The following NCOR2 variants were observed in gnomAD, a reference collection of about 807,000 sequenced individuals.
NCOR2 encodes nuclear receptor corepressor 2.
NCOR2 carries 81 observed loss-of-function variants against 262.9 expected under a neutral mutation model. That is an observed-to-expected ratio of 0.31 (90% CI 0.26 to 0.37). The LOEUF (loss-of-function observed/expected upper bound fraction) is 0.37. Among genes scored for constraint, NCOR2 ranks in the 10% least tolerant of loss-of-function variants. NCOR2 has a pLI of 1.00. For missense variants in NCOR2, 3,385 were observed against 3,621.4 expected (o/e 0.93, Z 1.68); for synonymous variants, 1,659 against 1,559.3 (o/e 1.06, Z -1.51).
intron 3 of NCOR2, among the ~76,000 whole-genome samples, chr12:124,474,146 C>T (rs1353553079): frequency 6.6e-6 from 1 of 152,224 alleles, no homozygotes; most frequent in Non-Finnish European, 1.5e-5. Context: ...TCTCCCAAGG[C>T]CTGGCCTCTG....
exon 47 of NCOR2, chr12:124,325,561 G>A: frequency 7.6e-7 from 1 of 1,318,926 alleles, no homozygotes; most frequent in Non-Finnish European, 9.8e-7. Flanking sequence ...TGATCAGGGG[G>A]TTGTAGGGGA....
At chr12:124,333,368 G>A (rs2035395534) in intron 41 of NCOR2, 89 bp from the exon 44 acceptor site, 3 of 1,248,058 alleles carry the variant, frequency 2.4e-6, no homozygotes, top group South Asian at 2.5e-5. Context: ...GGCCCCACAC[G>A]CTTTTCCTGT....
chr12:124,491,200 C>T (rs2048065231), intron 1 of NCOR2, among the ~76,000 whole-genome samples: 1 of 152,234 alleles, frequency 6.6e-6, no homozygotes, highest in Non-Finnish European at 1.5e-5. Context: ...GGGGCAAAGC[C>T]CAAAGTGTAC....
At chr12:124,439,345 A>G (rs1593546741) in intron 7 of NCOR2, among the ~76,000 whole-genome samples, 6 of 91,716 alleles carry the variant, frequency 6.5e-5, no homozygotes, top group Non-Finnish European at 1.5e-4. Context: ...AGAGACCCAG[A>G]GAGAGAGGGA....
At chr12:124,420,592 G>A (rs549222902) in intron 12 of NCOR2, among the ~76,000 whole-genome samples, 7 of 152,328 alleles carry the variant, frequency 4.6e-5, no homozygotes, top group East Asian at 3.9e-4. Flanking sequence ...CTCTTCCTGG[G>A]TTTCCTTCTT....
At chr12:124,411,258 G>A (rs910642347) in intron 13 of NCOR2, among the ~76,000 whole-genome samples, 2 of 151,886 alleles carry the variant, frequency 1.3e-5, no homozygotes, top group African/African-American at 2.4e-5. Flanking sequence ...CCACCCGTGT[G>A]CGCGCATACA....
chr12:124,418,677 G>A (rs1001772463), intron 13 of NCOR2, among the ~76,000 whole-genome samples: 37 of 151,076 alleles, frequency 2.4e-4, no homozygotes, highest in South Asian at 4.2e-4. Flanking sequence ...GTGGGCTTTA[G>A]GCCTCAGGTC....
chr12:124,560,536 T>C (rs945059979), intron 1 of NCOR2, among the ~76,000 whole-genome samples: 1 of 152,266 alleles, frequency 6.6e-6, no homozygotes. Context: ...TCTTGCTTTC[T>C]ACGTTCCACA....
chr12:124,350,684 C>T, exon 28 of NCOR2: 1 of 1,613,664 alleles, frequency 6.2e-7, no homozygotes, highest in Non-Finnish European at 8.5e-7. Context: ...TCGGGCTGTC[C>T]TCGCCGATGA....
chr12:124,327,719 G>T, intron 44 of NCOR2, 86 bp from the exon 47 acceptor site: 1 of 948,496 alleles, frequency 1.1e-6, no homozygotes, highest in Non-Finnish European at 1.6e-6. Flanking sequence ...AGAAGGGAGA[G>T]AGAGAGGGAA....
intron 38 of NCOR2, chr12:124,336,520 G>C: frequency 8.4e-7 from 1 of 1,193,236 alleles, no homozygotes; most frequent in South Asian, 1.9e-5. Flanking sequence ...GAGGACGGAT[G>C]GGCTTCAAAA....
chr12:124,385,769 G>C (rs376278752), exon 17 of NCOR2: 1 of 1,613,944 alleles, frequency 6.2e-7, no homozygotes, highest in Non-Finnish European at 8.5e-7. Context: ...GCTGCTGCAA[G>C]ATCTCATCGA....
chr12:124,558,049 G>A (rs1018459629), intron 1 of NCOR2, among the ~76,000 whole-genome samples: 5 of 152,158 alleles, frequency 3.3e-5, no homozygotes, highest in African/African-American at 1.2e-4. Context: ...CAGGAGCAGG[G>A]CTGGCACCAG....
upstream of NCOR2, among the ~76,000 whole-genome samples, chr12:124,535,839 G>A (rs1238657779): frequency 6.6e-6 from 1 of 152,150 alleles, no homozygotes; most frequent in Middle Eastern, 3.2e-3. Context: ...GGTTCTCAGA[G>A]CCGGGAAGTG....
intron 1 of NCOR2, among the ~76,000 whole-genome samples, chr12:124,505,336 G>A (rs937391431): frequency 3.3e-5 from 5 of 152,050 alleles, no homozygotes; most frequent in Non-Finnish European, 7.4e-5. Context: ...CCATGGACTC[G>A]GCCCCCTGTG....
intron 27 of NCOR2, 44 bp downstream of exon 29, chr12:124,354,038 GGCTGGCCCCGT>G: frequency 1.3e-6 from 2 of 1,491,212 alleles, no homozygotes; most frequent in South Asian, 2.4e-5. Flanking sequence ...TTATAAGATG[GGCTGGCCCCGT>G]GCTGGTCCCA....
intron 16 of NCOR2, among the ~76,000 whole-genome samples, chr12:124,386,186 C>T (rs1027378259): frequency 3.9e-5 from 6 of 152,092 alleles, no homozygotes; most frequent in Admixed American, 1.3e-4. Context: ...GAAGTCCCAC[C>T]GAGGCCACTG....
At chr12:124,472,496 C>CA (rs768509149) in intron 4 of NCOR2, among the ~76,000 whole-genome samples, 3 of 152,122 alleles carry the variant, frequency 2.0e-5, no homozygotes, top group Non-Finnish European at 2.9e-5. Context: ...GCTGTTTCCC[C>CA]ACATTACAGA....
intron 5 of NCOR2, 113 bp downstream of exon 7, chr12:124,466,060 G>T: frequency 1.9e-6 from 2 of 1,032,576 alleles, no homozygotes; most frequent in South Asian, 1.6e-5. Flanking sequence ...GGAGAGGGTG[G>T]CGAGGTCCCC....
Sources: gnomAD v4.1 joint callset for allele counts (sites outside exome capture counted in the v4.1 genomes callset) on GRCh38, gnomAD v4.1.1 for gene constraint, MANE v1.5 for transcripts, NCBI Gene and HGNC (gene_info 2026-07-23, HGNC 2026-07-21) for gene names.